The following ARIH1 variants were observed in gnomAD, a reference collection of about 807,000 sequenced individuals.
ARIH1 encodes E3 ubiquitin-protein ligase ARIH1.
Under a neutral mutation model 85.0 loss-of-function variants are expected in ARIH1, and 8 were observed. The observed-to-expected ratio is 0.09, with a 90% CI of 0.06 to 0.17. The LOEUF is 0.17. Ranked by LOEUF, ARIH1 falls within the 10% of genes least tolerant of loss-of-function variation. The probability of loss-of-function intolerance (pLI) is 1.00; values close to 1 mark genes in which losing one functional copy is unlikely to be tolerated. For synonymous variants in ARIH1, 238 were observed against 253.6 expected, an observed-to-expected ratio of 0.94 and a Z score of 0.59; for missense variants, 311 against 718.1, an observed-to-expected ratio of 0.43 and a Z score of 6.48.
At chr15:72,478,956 G>T (rs1341307515) in intron 1 of ARIH1, among the ~76,000 whole-genome samples, 1 of 152,132 alleles carries the variant, frequency 6.6e-6, no homozygotes, top group Non-Finnish European at 1.5e-5. Flanking sequence ...TCCCGCCTCA[G>T]CCTCCTGAGT....
chr15:72,508,238 C>G lies in ARIH1; in HGVS notation c.376-9829C>G, dbSNP rs1018234648. ...TCTATTGTCCTAAAAGTTAAATGTA[C>G]TGCTGCTAGTATTAGTACTAGTTTT... On this transcript the variant is annotated intron_variant, in intron 1 of 13. Transcript: ENST00000379887. Among the ~76,000 whole-genome samples the G allele has an allele frequency of 2.6e-5, 4 of 152,296 alleles. No individual in the cohort carries two copies. The East Asian group carries it at 7.7e-4, about 29-fold the overall frequency.
Position 72,591,817 on chromosome 15 carries a change from G to C in ARIH1, c.*8525G>C, listed in dbSNP as rs78873502. On this transcript the variant is annotated 3_prime_UTR_variant, in exon 14 of 14. Coordinates refer to ENST00000379887, the MANE Select transcript of ARIH1 (RefSeq NM_005744.5). ...TGGTCTTCCTGGTATGAACAAAGAT[G>C]TTTGCTTGTTAATAAATTCCTACCA... is the stretch of plus-strand genomic sequence containing the variant. 2.0e-5 allele frequency: 3 copies of C among 152,302 alleles called. No homozygotes were observed. In the East Asian group the frequency reaches 5.8e-4, roughly 29 times the overall value. 9.4% of individuals were successfully genotyped at this position (152,302 alleles called of 1,614,324 possible).
intron 3 of ARIH1, among the ~76,000 whole-genome samples, chr15:72,547,279 C>A (rs2064133903): frequency 6.6e-6 from 1 of 151,860 alleles, no homozygotes; most frequent in African/African-American, 2.4e-5. Flanking sequence ...GTTGCCCAGA[C>A]TGGAGTGCAA....
intron 1 of ARIH1, among the ~76,000 whole-genome samples, chr15:72,502,784 C>T (rs748055169): frequency 5.3e-5 from 8 of 151,802 alleles, no homozygotes; most frequent in East Asian, 1.9e-4. Flanking sequence ...CCAGCCTGAG[C>T]GACAGAGCCA....
At chr15:72,567,909 T>C (rs1425647405) in intron 9 of ARIH1, among the ~76,000 whole-genome samples, 2 of 152,184 alleles carry the variant, frequency 1.3e-5, no homozygotes, top group African/African-American at 4.8e-5. Flanking sequence ...GTTTGACCCA[T>C]AGTATATAAA....
rs868628216 is a variant in ARIH1, at chr15:72,475,110, G to A, written c.375+96G>A. On this transcript the variant is annotated intron_variant, in intron 1 of 13. Coordinates refer to ENST00000379887, the MANE Select transcript of ARIH1 (RefSeq NM_005744.5). ...CGAGGGACAGGCCTGGGCCTGGTGCGCAGCCTAGCCCGGTGCCTCCCGGCC... is the reference window on the plus strand; with the variant it reads ...CGAGGGACAGGCCTGGGCCTGGTGCACAGCCTAGCCCGGTGCCTCCCGGCC... 92 of 1,494,800 alleles carry A rather than the reference G, an allele frequency of 6.2e-5. 2 individuals carry two copies. The Middle Eastern group carries it at 3.4e-3, about 55-fold the overall frequency. The allele number at this position is 1,494,800 out of a possible 1,614,324, so 92.6% of individuals were successfully genotyped here. A position where few individuals can be genotyped will look rare whatever the true frequency, so the allele number is the denominator to read the frequency against.
chr15:72,595,808 G>GTTTTTTTTTTTTTTTTTTCTT lies in ARIH1; in HGVS notation c.*12535_*12536insTTTTTTTTTTTTTTTTTTTTC, dbSNP rs2064361248. 7.3e-5 allele frequency: 9 copies of GTTTTTTTTTTTTTTTTTTCTT among 122,808 alleles called. No homozygotes were observed. The highest frequency in any genetic ancestry group is 2.8e-4 in the South Asian group (1 of 3,596). The allele number at this position is 122,808 out of a possible 1,614,324, so 7.6% of individuals were successfully genotyped here. On this transcript the variant is annotated 3_prime_UTR_variant, in exon 14 of 14. Coordinates refer to ENST00000379887, the MANE Select transcript of ARIH1 (RefSeq NM_005744.5). ...TATTGCAGTGTTTTTTGTTTTTTCT[G>GTTTTTTTTTTTTTTTTTTCTT]TTTTTTTTTTTTTTTTTTCATCTTT...
At chr15:72,489,458 CTAG>C (rs2063850368) in intron 1 of ARIH1, among the ~76,000 whole-genome samples, 1 of 152,112 alleles carries the variant, frequency 6.6e-6, no homozygotes, top group Admixed American at 6.5e-5. Flanking sequence ...CCAAAGTATG[CTAG>C]TAGTCATTGT....
chr15:72,527,486 C>T (rs1222548465), intron 2 of ARIH1, among the ~76,000 whole-genome samples: 3 of 151,712 alleles, frequency 2.0e-5, no homozygotes, highest in African/African-American at 7.3e-5. Context: ...GAATTGTGTC[C>T]TCTGTTTACC....
chr15:72,578,978 T>C (rs2064284056), intron 11 of ARIH1, among the ~76,000 whole-genome samples: 1 of 151,890 alleles, frequency 6.6e-6, no homozygotes, highest in Non-Finnish European at 1.5e-5. Flanking sequence ...AGATACAGGG[T>C]TTCACTGTGT....
intron 9 of ARIH1, among the ~76,000 whole-genome samples, chr15:72,567,606 A>G (rs1156934774): frequency 6.6e-6 from 1 of 152,226 alleles, no homozygotes; most frequent in Non-Finnish European, 1.5e-5. Context: ...ACTAGTTTCA[A>G]AATTCAATTT....
rs375751626 is a variant in ARIH1 at position 72,579,197 on chromosome 15, CT to C, written c.1216-1533del. 3.8e-3 allele frequency among the ~76,000 whole-genome samples: 573 copies of C among 152,296 alleles called. 4 individuals carry two copies. Among genetic ancestry groups the C allele is most frequent in the South Asian group, 0.024 (115 of 4,820 alleles). On this transcript the variant is annotated intron_variant, in intron 11 of 13. Transcript: ENST00000379887. ...TACCTGTTGTTCCTTCTCTTCCCCC[CT>C]CCTTGCTTTTTTTTCTTTGTTGAAG...
intron 2 of ARIH1, among the ~76,000 whole-genome samples, chr15:72,544,096 ATT>A (rs2064119084): frequency 6.6e-6 from 1 of 152,108 alleles, no homozygotes; most frequent in African/African-American, 2.4e-5. Flanking sequence ...ACTACTCTAT[ATT>A]TAGATACATA....
chr15:72,545,923 T>G (rs201565335), intron 3 of ARIH1, among the ~76,000 whole-genome samples: 1 of 136,128 alleles, frequency 7.3e-6, no homozygotes, highest in Non-Finnish European at 1.6e-5. Context: ...ATGTCTAAGA[T>G]AACTTAATTC....
At chr15:72,511,981 A>G (rs1008432217) in intron 1 of ARIH1, among the ~76,000 whole-genome samples, 1 of 152,160 alleles carries the variant, frequency 6.6e-6, no homozygotes, top group Non-Finnish European at 1.5e-5. Flanking sequence ...TGAATTTTGA[A>G]TATTTAAAAC....
intron 2 of ARIH1, among the ~76,000 whole-genome samples, chr15:72,519,866 A>C (rs2063991873): frequency 6.6e-6 from 1 of 152,158 alleles, no homozygotes; most frequent in South Asian, 2.1e-4. Context: ...TGACACCTCT[A>C]CTAGGAGAAA....
chr15:72,583,090 T>C (rs1048531654), intron 13 of ARIH1, 118 bp from the exon 14 acceptor site: 1 of 685,826 alleles, frequency 1.5e-6, no homozygotes, highest in South Asian at 2.0e-5. Context: ...AAATAAAAAA[T>C]AGGTGCTTGG....
At chr15:72,488,996 A>C (rs1465432382) in intron 1 of ARIH1, among the ~76,000 whole-genome samples, 1 of 152,174 alleles carries the variant, frequency 6.6e-6, no homozygotes, top group Non-Finnish European at 1.5e-5. Flanking sequence ...CAATCCCACA[A>C]CTTTGGGAGG....
intron 2 of ARIH1, among the ~76,000 whole-genome samples, chr15:72,525,679 A>G (rs1595861342): frequency 2.0e-5 from 3 of 152,348 alleles, no homozygotes; most frequent in Middle Eastern, 3.4e-3. Context: ...AGAAGTGAAA[A>G]AAACCCACAG....
Sources: allele counts gnomAD v4.1 joint callset (sites outside exome capture counted in the v4.1 genomes callset), GRCh38; gene constraint gnomAD v4.1.1; transcripts MANE v1.5; gene names NCBI Gene and HGNC (gene_info 2026-07-23, HGNC 2026-07-21).